Variants in SAMM50 observed in about 807,000 individuals in gnomAD.
The protein encoded by SAMM50 is sorting and assembly machinery component 50 homolog.
Under a neutral mutation model 66.9 loss-of-function variants are expected in SAMM50, and 47 were observed. That is an observed-to-expected ratio of 0.70 (90% confidence interval 0.56 to 0.90). SAMM50 has a LOEUF of 0.90. Among genes scored for constraint, SAMM50 ranks in the 40% least tolerant of loss-of-function variants. The pLI is 0.00. For missense variants in SAMM50, 535 were observed against 595.3 expected, an observed-to-expected ratio of 0.90 and a Z score of 1.05; for synonymous variants, 191 against 214.1, an observed-to-expected ratio of 0.89 and a Z score of 0.94.
At chr22:43,958,191 C>T (rs1288888518) in intron 1 of SAMM50, among the ~76,000 whole-genome samples, 2 of 152,224 alleles carry the variant, frequency 1.3e-5, no homozygotes, top group Admixed American at 1.3e-4. Flanking sequence ...AGTTCTTTAT[C>T]CCCTGCATTT....
At chr22:43,969,399 G>A (rs2050192229) in intron 4 of SAMM50, among the ~76,000 whole-genome samples, 1 of 152,242 alleles carries the variant, frequency 6.6e-6, no homozygotes, top group Non-Finnish European at 1.5e-5. Flanking sequence ...GGCCAGCCCT[G>A]TGCAGGCCCC....
At chr22:43,972,717 G>A (rs984460464) in intron 5 of SAMM50, among the ~76,000 whole-genome samples, 154 bp from the exon 6 acceptor site, 8 of 152,164 alleles carry the variant, frequency 5.3e-5, no homozygotes, top group Non-Finnish European at 1.2e-4. Flanking sequence ...ATGTTTTAAA[G>A]AATGAAAGTG....
intron 1 of SAMM50, among the ~76,000 whole-genome samples, chr22:43,962,144 T>A (rs760872531): frequency 6.6e-6 from 1 of 152,220 alleles, no homozygotes; most frequent in Non-Finnish European, 1.5e-5. Flanking sequence ...CCTAGCCTAC[T>A]TTAAACGTGC....
intron 12 of SAMM50, among the ~76,000 whole-genome samples, chr22:43,984,879 C>CTTG (rs1255857787): frequency 6.6e-6 from 1 of 151,968 alleles, no homozygotes; most frequent in Non-Finnish European, 1.5e-5. Flanking sequence ...ATCCACCGGC[C>CTTG]TTGGCCTTCT....
chr22:43,973,203 C>T (rs764505285), intron 6 of SAMM50, 33 bp from the exon 7 acceptor site: 2 of 1,424,506 alleles, frequency 1.4e-6, no homozygotes, highest in East Asian at 2.3e-5. Context: ...ATCACTGTTT[C>T]AGCTTTTAAA....
At chr22:43,957,356 A>T (rs1250964847) in intron 1 of SAMM50, 1 of 531,420 alleles carries the variant, frequency 1.9e-6, no homozygotes. Context: ...TAAACTAATG[A>T]AAAGTCAATA....
At chr22:43,967,542 C>T (rs911904348) in intron 3 of SAMM50, among the ~76,000 whole-genome samples, 1 of 152,230 alleles carries the variant, frequency 6.6e-6, no homozygotes, top group Non-Finnish European at 1.5e-5. Flanking sequence ...TCTGTCCTCC[C>T]CTCCAATACC....
chr22:43,983,134 G>C lies in SAMM50; in HGVS notation c.1008-799G>C, dbSNP rs2050273352. Among the ~76,000 whole-genome samples the C allele has an allele frequency of 6.6e-6, 1 of 152,214 alleles. No individual in the cohort carries two copies. Among genetic ancestry groups the C allele is most frequent in the Non-Finnish European group, 1.5e-5 (1 of 68,048 alleles). On this transcript the variant is annotated intron_variant, in intron 11 of 14. Coordinates refer to ENST00000350028, the MANE Select transcript of SAMM50 (RefSeq NM_015380.5). The surrounding 1 kb of genome is among the most constrained non-coding windows in gnomAD (Gnocchi z 4.2). The stretch of plus-strand genomic sequence containing the variant: ...AAAAGCCGCGCCCTGTTCCCTTTGT[G>C]CTGTTGCAGACCTGCAGGGTGTTCT...
chr22:43,990,323 G>T lies in SAMM50; in HGVS notation c.1281G>T (p.Gly427=). Residue 427 remains glycine, a synonymous_variant, in exon 14 of 15, where the codon GGG becomes GGT. Coordinates refer to ENST00000350028, the MANE Select transcript of SAMM50 (RefSeq NM_015380.5). Reference sequence around the variant, plus strand: ...CTGAGTGCATCCGCTGGTCGTACGGGGCCGGGATTGTCCTCAGGCTTGGCA... The same window carrying T: ...CTGAGTGCATCCGCTGGTCGTACGGTGCCGGGATTGTCCTCAGGCTTGGCA... ...KLAECIRWSY[G]AGIVLRLGNI... The T allele has an allele frequency of 1.2e-6, 2 of 1,614,162 alleles. No homozygotes were observed. The highest frequency in any genetic ancestry group is 4.5e-5 in the East Asian group (2 of 44,872).
chr22:43,979,952 T>G (rs986659262), intron 10 of SAMM50, among the ~76,000 whole-genome samples: 72 of 151,130 alleles, frequency 4.8e-4, no homozygotes, highest in Admixed American at 2.6e-3. Flanking sequence ...TATAGGTGTG[T>G]CTCCTGCAAG....
chr22:43,961,988 G>A (rs1333351916), intron 1 of SAMM50, among the ~76,000 whole-genome samples: 1 of 152,068 alleles, frequency 6.6e-6, no homozygotes, highest in Non-Finnish European at 1.5e-5. Flanking sequence ...GATTATGTGT[G>A]TGTGTGTGTG....
At chr22:43,988,955 T>C (rs755322263) in intron 12 of SAMM50, 156 bp from the exon 13 acceptor site, 1 of 581,844 alleles carries the variant, frequency 1.7e-6, no homozygotes. Flanking sequence ...AATGAGGCCA[T>C]CAGTATCAGG....
At chr22:43,978,381 G>A (rs2050244673) in intron 10 of SAMM50, among the ~76,000 whole-genome samples, 2 of 144,732 alleles carry the variant, frequency 1.4e-5, no homozygotes, top group African/African-American at 5.3e-5. Flanking sequence ...CTTGCAGTGA[G>A]CCAAGATCAC....
intron 14 of SAMM50, 27 bp from the exon 15 acceptor site, chr22:43,996,311 C>T (rs765878246): frequency 5.6e-6 from 9 of 1,613,644 alleles, no homozygotes; most frequent in Middle Eastern, 1.6e-4. Context: ...GAGCGGCCGC[C>T]GCATCTGATC....
chr22:43,981,474 C>T lies in SAMM50; in HGVS notation c.1007+13C>T. On this transcript the variant is annotated intron_variant, in intron 11 of 14. Coordinates refer to ENST00000350028, the MANE Select transcript of SAMM50 (RefSeq NM_015380.5). ...GCATTGCTGATAGGTAAGTACTAATCAATGAATGGATAATTTGCACATATT... is the reference window on the plus strand; with the variant it reads ...GCATTGCTGATAGGTAAGTACTAATTAATGAATGGATAATTTGCACATATT... 6.4e-7 allele frequency: 1 copy of T among 1,555,006 alleles called. No homozygotes were observed. Among genetic ancestry groups the T allele is most frequent in the Non-Finnish European group, 8.9e-7 (1 of 1,126,346 alleles).
chr22:43,972,465 T>C, intron 5 of SAMM50, 123 bp downstream of exon 5: 1 of 566,692 alleles, frequency 1.8e-6, no homozygotes. Context: ...CCTTAATCTG[T>C]TGTTATTTGT....
In SAMM50 at chr22:43,972,329, A is replaced by G. The variant is rs199632516; in HGVS notation, c.416A>G (p.Asn139Ser). The change falls in exon 5 of 15, where the codon AAT becomes AGT. Residue 139 changes from asparagine to serine, a missense_variant. Asn to Ser is a conservative substitution (Grantham distance 46). Coordinates refer to ENST00000350028, the MANE Select transcript of SAMM50 (RefSeq NM_015380.5). ...AGTTATAACACCATGGTTGGAAACA[A>G]TGAAGGCAGTATGGTATGCTACAGG... ...TGSYNTMVGNNEGSMVLGLKL... is the reference protein window; with the variant it reads ...TGSYNTMVGNSEGSMVLGLKL... 4.4e-6 allele frequency: 7 copies of G among 1,587,122 alleles called. No individual in the cohort carries two copies. The highest frequency in any genetic ancestry group is 4.1e-5 in the African/African-American group (3 of 73,838).
intron 11 of SAMM50, among the ~76,000 whole-genome samples, chr22:43,982,860 T>C (rs1187998218): frequency 6.6e-6 from 1 of 152,156 alleles, no homozygotes; most frequent in Admixed American, 6.5e-5. Flanking sequence ...GGTCTCTAAC[T>C]CCTGACCTCA....
intron 3 of SAMM50, among the ~76,000 whole-genome samples, chr22:43,968,098 G>A (rs762673049): frequency 2.2e-4 from 33 of 151,744 alleles, no homozygotes; most frequent in Non-Finnish European, 3.8e-4. Flanking sequence ...GTGGTGGTCT[G>A]TGCCTGCAAT....
Sources: allele counts gnomAD v4.1 joint callset (sites outside exome capture counted in the v4.1 genomes callset), GRCh38; gene constraint gnomAD v4.1.1; non-coding constraint Gnocchi (gnomAD v3.1); transcripts MANE v1.5; gene names NCBI Gene and HGNC (gene_info 2026-07-23, HGNC 2026-07-21).